FALEC: variants seen among roughly 807,000 people sequenced by gnomAD.
FALEC encodes the protein focally amplified lncRNA regulator of ECM1.
the FALEC span, among the ~76,000 whole-genome samples, chr1:150,530,935 A>G: frequency 6.6e-6 from 1 of 152,282 alleles, no homozygotes; most frequent in South Asian, 2.1e-4. Context: ...GTTCTCAGGA[A>G]CAACACACCT....
chr1:150,518,127 A>T (rs893015572), downstream of FALEC: 1 of 152,200 alleles, frequency 6.6e-6, no homozygotes, highest in Non-Finnish European at 1.5e-5. Flanking sequence ...GGTGGTAGGT[A>T]TATGGTTGTT....
chr1:150,516,246 CA>C (rs10712406), intron 1 of FALEC, among the ~76,000 whole-genome samples: 90,081 of 148,656 alleles, frequency 0.61, 27,445 homozygotes, highest in African/African-American at 0.66. Context: ...GACTCTGTCT[CA>C]AAAAAAAAAA....
At chr1:150,529,016 C>CAAAAAAAAAAGAAAA in the FALEC span, among the ~76,000 whole-genome samples, 1 of 59,288 alleles carries the variant, frequency 1.7e-5, no homozygotes, top group Non-Finnish European at 3.0e-5. Context: ...AAATAAATAG[C>CAAAAAAAAAAGAAAA]AAAAAAAAAA....
chr1:150,522,981 ATATTT>A (rs1307663780), downstream of FALEC, among the ~76,000 whole-genome samples: 4 of 21,464 alleles, frequency 1.9e-4, no homozygotes, highest in African/African-American at 9.0e-4. Context: ...ATATATATAT[ATATTT>A]TTTTTTTTTT....
downstream of FALEC, among the ~76,000 whole-genome samples, chr1:150,522,685 A>G (rs1670659415): frequency 6.6e-6 from 1 of 151,302 alleles, no homozygotes; most frequent in Non-Finnish European, 1.5e-5. Context: ...GCCACTTGTG[A>G]CTACTGAGCA....
the FALEC span, among the ~76,000 whole-genome samples, chr1:150,534,183 C>T: frequency 6.6e-6 from 1 of 152,186 alleles, no homozygotes; most frequent in Non-Finnish European, 1.5e-5. Flanking sequence ...CTCTGAGGAG[C>T]TGGTCCTGGA....
chr1:150,528,521 C>T, the FALEC span, among the ~76,000 whole-genome samples: 1 of 152,024 alleles, frequency 6.6e-6, no homozygotes, highest in African/African-American at 2.4e-5. Flanking sequence ...TCAACACATT[C>T]TGTAACACTC....
At chr1:150,522,975 A>ATTT (rs1560270879), downstream of FALEC, among the ~76,000 whole-genome samples, 26 of 28,844 alleles carry the variant, frequency 9.0e-4, 3 homozygotes, top group Non-Finnish European at 1.4e-3. Context: ...ATATATATAT[A>ATTT]TATATATATT....
the FALEC span, among the ~76,000 whole-genome samples, chr1:150,534,190 T>C: frequency 6.6e-6 from 1 of 152,144 alleles, no homozygotes; most frequent in Non-Finnish European, 1.5e-5. Context: ...GAGCTGGTCC[T>C]GGAGAGGTGG....
At chr1:150,530,868 C>T in the FALEC span, among the ~76,000 whole-genome samples, 1 of 152,188 alleles carries the variant, frequency 6.6e-6, no homozygotes, top group East Asian at 1.9e-4. Context: ...TCCATAACGC[C>T]TTCCTAATTC....
chr1:150,516,246 CAA>C (rs10712406), intron 1 of FALEC, among the ~76,000 whole-genome samples: 12 of 148,718 alleles, frequency 8.1e-5, no homozygotes, highest in Non-Finnish European at 9.0e-5. Context: ...GACTCTGTCT[CAA>C]AAAAAAAAAG....
downstream of FALEC, among the ~76,000 whole-genome samples, chr1:150,522,832 ACTCTCT>A (rs71732573): frequency 0.13 from 7,724 of 59,264 alleles, 1,168 homozygotes; most frequent in Middle Eastern, 0.23. Context: ...GGATTAATGA[ACTCTCT>A]CTCTCTCTCT....
At chr1:150,533,431 T>A in the FALEC span, among the ~76,000 whole-genome samples, 1 of 85,366 alleles carries the variant, frequency 1.2e-5, no homozygotes, top group South Asian at 3.6e-4. Context: ...GAACCAGAGC[T>A]TTTTTTTTTT....
At chr1:150,522,915 A>ATATATAAATACG, downstream of FALEC, among the ~76,000 whole-genome samples, 1 of 91,590 alleles carries the variant, frequency 1.1e-5, no homozygotes, top group African/African-American at 5.5e-5. Context: ...ATATATATAC[A>ATATATAAATACG]TATATATATA....
downstream of FALEC, among the ~76,000 whole-genome samples, chr1:150,519,048 C>T (rs587703539): frequency 6.6e-6 from 1 of 152,234 alleles, no homozygotes; most frequent in Non-Finnish European, 1.5e-5. Flanking sequence ...AAGAGTGAAA[C>T]TCTGTCTCAA....
chr1:150,529,723 G>A, the FALEC span, among the ~76,000 whole-genome samples: 4 of 151,708 alleles, frequency 2.6e-5, no homozygotes, highest in African/African-American at 4.8e-5. Context: ...TCAGTCTCCC[G>A]AGTAGCTGGG....
chr1:150,528,487 G>A, the FALEC span, among the ~76,000 whole-genome samples: 3 of 150,718 alleles, frequency 2.0e-5, no homozygotes, highest in Admixed American at 6.6e-5. Context: ...CATTCCTCAG[G>A]GAGACCTTCC....
the FALEC span, among the ~76,000 whole-genome samples, chr1:150,535,691 T>C: frequency 2.0e-5 from 3 of 152,326 alleles, no homozygotes; most frequent in African/African-American, 4.8e-5. Flanking sequence ...GCATGGTCCA[T>C]GGCCCCCTCC....
At chr1:150,529,030 A>AAAAAAAAAAAAAAAAAAG in the FALEC span, among the ~76,000 whole-genome samples, 1 of 151,122 alleles carries the variant, frequency 6.6e-6, no homozygotes, top group East Asian at 1.9e-4. Flanking sequence ...AAAAAAAAAA[A>AAAAAAAAAAAAAAAAAAG]AAAAAAAAAT....
Sources: gnomAD v4.1 joint callset for allele counts (sites outside exome capture counted in the v4.1 genomes callset) on GRCh38, gnomAD v4.1.1 for gene constraint, MANE v1.5 for transcripts, NCBI Gene and HGNC (gene_info 2026-07-23, HGNC 2026-07-21) for gene names.